NEB: variants seen among roughly 807,000 people sequenced by gnomAD.
NEB encodes the protein nebulin.
NEB carries 512 observed loss-of-function variants against 952.2 expected under a neutral mutation model. The observed-to-expected ratio is 0.54, with a 90% CI of 0.50 to 0.58. The LOEUF (loss-of-function observed/expected upper bound fraction) is 0.58. Among genes scored for constraint, NEB ranks in the 20% least tolerant of loss-of-function variants. The pLI is 0.00. For synonymous variants in NEB, 2,900 were observed against 3,149.8 expected (o/e 0.92, Z 2.66); for missense variants, 8,428 against 9,231.1 (o/e 0.91, Z 3.56).
chr2:151,698,994 T>G, intron 13 of NEB, among the ~76,000 whole-genome samples: 1 of 137,890 alleles, frequency 7.3e-6, no homozygotes. Flanking sequence ...GCATTAGGTA[T>G]ATCTCCCAAT....
At chr2:151,682,591 C>CTGCCCA (rs2099428514) in intron 29 of NEB, 71 bp downstream of exon 29, 1 of 1,238,318 alleles carries the variant, frequency 8.1e-7, no homozygotes, top group South Asian at 1.3e-5. Context: ...TGAAGGAGCA[C>CTGCCCA]TGCCCATGCT....
chr2:151,672,813 C>A, intron 36 of NEB, 133 bp from the exon 37 acceptor site: 3 of 741,358 alleles, frequency 4.0e-6, no homozygotes, highest in Non-Finnish European at 6.2e-6. Flanking sequence ...ACCACAACCC[C>A]CTCCAAAAAG....
chr2:151,650,488 C>G, intron 53 of NEB, 86 bp downstream of exon 53: 2 of 1,487,726 alleles, frequency 1.3e-6, no homozygotes, highest in Non-Finnish European at 9.1e-7. Context: ...AATAATAATT[C>G]CTAATTTCTG....
At chr2:151,622,356 T>C (rs966058597) in intron 71 of NEB, among the ~76,000 whole-genome samples, 1 of 152,230 alleles carries the variant, frequency 6.6e-6, no homozygotes, top group African/African-American at 2.4e-5. Context: ...TGAATATGAC[T>C]ATTTCTTTTT....
intron 55 of NEB, among the ~76,000 whole-genome samples, chr2:151,645,723 T>C (rs1391425418): frequency 6.6e-6 from 1 of 152,152 alleles, no homozygotes; most frequent in Non-Finnish European, 1.5e-5. Flanking sequence ...ACAATAAAAA[T>C]GAGATTCTCC....
rs574309369 is a variant in NEB at position 151,679,752 on chromosome 2, G to A, written c.3224C>T (p.Ala1075Val). 4 of 1,604,042 alleles carry A rather than the reference G, an allele frequency of 2.5e-6. No homozygotes were observed. In the Admixed American group the frequency reaches 5.0e-5, roughly 20 times the overall value. ...DLRTDAIPIR[A>V]AKAARQAASD... is the part of the protein sequence containing the mutation. ...CGCCGCCTGCCTGGCAGCTTTGGCAGCTCTGATGGGAATCGCATCAGTTCT... is the reference window on the plus strand; with the variant it reads ...CGCCGCCTGCCTGGCAGCTTTGGCAACTCTGATGGGAATCGCATCAGTTCT... Residue 1075 changes from alanine (A) to valine (V), a missense_variant, in exon 32 of 182, where the codon GCT (alanine) becomes GTT (valine). This residue lies in a region of NEB where 2,851 missense variants were observed against 2,791.5 expected (regional missense o/e 1.02). Transcript: ENST00000397345.
chr2:151,696,670 T>C lies in NEB; in HGVS notation c.1536A>G (p.Leu512=), dbSNP rs778006991. The part of the protein sequence containing the change: ...FTQVTDSPVL[L]QAQVNSKQLS... ...GTTGTTTGGAATTGACTTGGGCTTG[T>C]AGCAGAACAGGAGAGTCTGTAACTT... is the stretch of plus-strand genomic sequence containing the variant. The change falls in exon 17 of 182, where the codon CTA becomes CTG. Residue 512 remains leucine, a synonymous_variant. Coordinates refer to ENST00000397345, the MANE Select transcript of NEB (RefSeq NM_001164508.2). 1.2e-6 allele frequency: 2 copies of C among 1,613,868 alleles called. No homozygotes were observed. Among genetic ancestry groups the C allele is most frequent in the Non-Finnish European group, 1.7e-6 (2 of 1,179,786 alleles).
chr2:151,682,615 A>G (rs768491901), intron 29 of NEB, 47 bp downstream of exon 29: 1 of 1,467,530 alleles, frequency 6.8e-7, no homozygotes, highest in Admixed American at 1.8e-5. Flanking sequence ...GAGAGCTTTA[A>G]CACAACACAG....
intron 13 of NEB, among the ~76,000 whole-genome samples, chr2:151,704,831 G>C (rs916995187): frequency 6.6e-6 from 1 of 152,252 alleles, no homozygotes; most frequent in Admixed American, 6.5e-5. Context: ...TGCGTCGCTC[G>C]CTCACGCTGG....
At chr2:151,503,838 A>C (rs780233929) in intron 165 of NEB, among the ~76,000 whole-genome samples, 4 of 152,150 alleles carry the variant, frequency 2.6e-5, no homozygotes, top group Non-Finnish European at 5.9e-5. Context: ...AGGATACTCT[A>C]TTCCTTCAGG....
In NEB at chr2:151,697,452, T is replaced by C. The variant is rs371099860; in HGVS notation, c.1263A>G (p.Lys421=). The C allele has an allele frequency of 1.9e-5, 30 of 1,612,830 alleles. No homozygotes were observed. Among genetic ancestry groups the C allele is most frequent in the Non-Finnish European group, 2.5e-5 (29 of 1,179,264 alleles). ...TVLQNFSSDK[K]YKDSYLKDIL... is the part of the protein sequence containing the mutation. Reference sequence around the variant, plus strand: ...TATCTTTTAAGTAGGAATCTTTATATTTTTTCTGCAAGACAAAACATACTT... The same window carrying C: ...TATCTTTTAAGTAGGAATCTTTATACTTTTTCTGCAAGACAAAACATACTT... The change falls in exon 15 of 182, where the codon AAA becomes AAG. Residue 421 remains lysine (K), a synonymous_variant. Coordinates refer to ENST00000397345, the MANE Select transcript of NEB (RefSeq NM_001164508.2).
At chr2:151,511,192 C>T (rs1429415140) in intron 161 of NEB, among the ~76,000 whole-genome samples, 1 of 152,220 alleles carries the variant, frequency 6.6e-6, no homozygotes, top group Non-Finnish European at 1.5e-5. Context: ...GAATATCAGC[C>T]TCCCTGGCTC....
At chr2:151,691,781 G>A (rs1335748304) in intron 23 of NEB, 83 bp downstream of exon 23, 5 of 1,016,882 alleles carry the variant, frequency 4.9e-6, no homozygotes, top group South Asian at 2.7e-5. Flanking sequence ...CTAGATATTA[G>A]CATGTAAACT....
chr2:151,696,196 CT>C (rs2099594865), intron 17 of NEB, among the ~76,000 whole-genome samples: 1 of 152,172 alleles, frequency 6.6e-6, no homozygotes, highest in Non-Finnish European at 1.5e-5. Context: ...TTTCCAGAAA[CT>C]TACTAGGGAG....
chr2:151,658,928 A>G (rs2099116034), intron 47 of NEB, 137 bp downstream of exon 47: 4 of 771,864 alleles, frequency 5.2e-6, no homozygotes, highest in Non-Finnish European at 9.0e-6. Context: ...GCAAAATTAG[A>G]AAGAGTCTCA....
In NEB at chr2:151,640,431, T is replaced by C. The variant is rs2098832702; in HGVS notation, c.8609A>G (p.Tyr2870Cys). 1.1e-5 allele frequency: 17 copies of C among 1,613,960 alleles called. No homozygotes were observed. The highest frequency in any genetic ancestry group is 1.4e-5 in the Non-Finnish European group (17 of 1,179,876). The change falls in exon 61 of 182, where the codon TAC becomes TGC. Residue 2870 changes from tyrosine to cysteine, a missense_variant. Around this residue, in one of 11 missense-constraint regions of NEB, gnomAD observed 1,772 missense variants for 1,960.3 expected, o/e 0.90. Coordinates refer to ENST00000397345, the MANE Select transcript of NEB (RefSeq NM_001164508.2). ...GGGCAGGCATGTCCACTGGTGCAGG[T>C]AGTTCTTGTAGTCCACATCGCTGAC... Reference protein sequence around the residue: ...TLVSDVDYKNYLHQWTCLPDQ... With the variant: ...TLVSDVDYKNCLHQWTCLPDQ...
At chr2:151,576,836 CTTTTAT>C (rs2096885343) in intron 105 of NEB, among the ~76,000 whole-genome samples, 1 of 151,912 alleles carries the variant, frequency 6.6e-6, no homozygotes, top group Admixed American at 6.6e-5. Context: ...CGCCAGGCCT[CTTTTAT>C]TTTATCTTCC....
Position 151,561,252 on chromosome 2 carries a change from G to T in NEB, c.19057C>A (p.Pro6353Thr). ...CTCTGAACAGCAGTCACATAGAGGG[G>T]CGTGTCTGTGACCAGATTATAGTTT... ...LQNYNLVTDT[P>T]LYVTAVQSGI... The change falls in exon 122 of 182, where the codon CCC becomes ACC. Residue 6353 changes from proline to threonine, a missense_variant. Pro to Thr is a conservative substitution (Grantham distance 38). This residue lies in a region of NEB where 3,374 missense variants were observed against 3,651.5 expected (regional missense o/e 0.92). Transcript: ENST00000397345. 1 of 1,608,458 alleles carries T rather than the reference G, an allele frequency of 6.2e-7. No individual in the cohort carries two copies.
At chr2:151,543,716 C>T (rs1478935626) in intron 135 of NEB, among the ~76,000 whole-genome samples, 2 of 152,260 alleles carry the variant, frequency 1.3e-5, no homozygotes, top group East Asian at 3.9e-4. Context: ...CAAACTCCTG[C>T]ACTCCAGTGA....
Sources: allele counts gnomAD v4.1 joint callset (sites outside exome capture counted in the v4.1 genomes callset), GRCh38; gene constraint gnomAD v4.1.1; regional missense constraint gnomAD v4.1.1; transcripts MANE v1.5; gene names NCBI Gene and HGNC (gene_info 2026-07-23, HGNC 2026-07-21).